The following F7 variants were observed in gnomAD, a reference collection of about 807,000 sequenced individuals.
The protein encoded by F7 is coagulation factor VII, also known as FVII coagulation protein.
F7 carries 38 observed loss-of-function variants against 47.5 expected under a neutral mutation model. The observed-to-expected ratio is 0.80, with a 90% CI of 0.62 to 1.05. The LOEUF (loss-of-function observed/expected upper bound fraction) is 1.05. Ranked by LOEUF, F7 falls within the 50% of genes least tolerant of loss-of-function variation. The pLI, the probability that F7 is intolerant of heterozygous loss-of-function variation, is 0.00. For missense variants in F7, 575 were observed against 605.4 expected (o/e 0.95, Z 0.53); for synonymous variants, 244 against 258.5 (o/e 0.94, Z 0.54).
intron 1 of F7, 133 bp downstream of exon 1, chr13:113,106,038 C>T (rs1332970890): frequency 4.2e-6 from 3 of 709,118 alleles, no homozygotes; most frequent in Non-Finnish European, 6.8e-6. Context: ...CTGGCGGCTC[C>T]TGTTCAATTT....
chr13:113,106,566 TGTGGGGTGTG>T (rs2035961374), intron 1 of F7, among the ~76,000 whole-genome samples: 1 of 88 alleles, frequency 0.011, no homozygotes, highest in Non-Finnish European at 0.018. Flanking sequence ...GGATGGGGCA[TGTGGGGTGTG>T]GGGGATGGGG....
intron 7 of F7, among the ~76,000 whole-genome samples, 182 bp downstream of exon 7, chr13:113,117,778 CTGGG>C (rs1469382958): frequency 6.6e-6 from 1 of 152,146 alleles, no homozygotes; most frequent in East Asian, 1.9e-4. Context: ...GACCGCGGTG[CTGGG>C]TGGGTACCAC....
In F7 at chr13:113,119,091, T is replaced by G; in HGVS notation, c.*83T>G. ...CAAATCCCATATATTCTTCTGCAGT[T>G]AATGGGGTAGAGGAGGGCATGGGAG... On this transcript the variant is annotated 3_prime_UTR_variant, in exon 8 of 8. Transcript: ENST00000346342. 8.0e-7 allele frequency: 1 copy of G among 1,248,948 alleles called. No homozygotes were observed. Among genetic ancestry groups the G allele is most frequent in the Non-Finnish European group, 1.1e-6 (1 of 877,644 alleles). The allele number at this position is 1,248,948 out of a possible 1,614,324, so 77.4% of individuals were successfully genotyped here.
chr13:113,111,272 G>A (rs1009991975), intron 2 of F7, among the ~76,000 whole-genome samples: 1 of 152,182 alleles, frequency 6.6e-6, no homozygotes, highest in African/African-American at 2.4e-5. Flanking sequence ...CTCAGGGCAC[G>A]TGTCGGGGAG....
Position 113,119,988 on chromosome 13 carries a change from T to C in F7, c.*980T>C, listed in dbSNP as rs935997780. 1 of 152,236 alleles carries C rather than the reference T, an allele frequency of 6.6e-6. No homozygotes were observed. The highest frequency in any genetic ancestry group is 2.4e-5 in the African/African-American group (1 of 41,442). The allele number at this position is 152,236 out of a possible 1,614,324, so 9.4% of individuals were successfully genotyped here. A position where few individuals can be genotyped will look rare whatever the true frequency, so the allele number is the denominator to read the frequency against. ...CCCCACCTGCTTCCCAGCTTCACAA[T>C]AAACGGCTGCGTCTCCTCCGCACAC... is the stretch of plus-strand genomic sequence containing the variant. On this transcript the variant is annotated 3_prime_UTR_variant, in exon 8 of 8. Coordinates refer to ENST00000346342, the MANE Select transcript of F7 (RefSeq NM_019616.4).
At position 113,113,068 on chromosome 13, in the gene F7, G is replaced by A. The variant is rs138999282; in HGVS notation, c.226-684G>A. ...TACACTCATCTCACACTCACAGGTC[G>A]CCACACCTCACACTCACAGGATGCC... On this transcript the variant is annotated intron_variant, in intron 2 of 7. Coordinates refer to ENST00000346342, the MANE Select transcript of F7 (RefSeq NM_019616.4). This position sits in a 1 kb window ranked among gnomAD's most constrained non-coding sequence, Gnocchi z 4.1. Among the ~76,000 whole-genome samples, 60 of 149,708 alleles carry A rather than the reference G, an allele frequency of 4.0e-4. No individual in the cohort carries two copies. Among genetic ancestry groups the A allele is most frequent in the Middle Eastern group, 3.7e-3 (1 of 268 alleles).
chr13:113,117,303 C>T (rs969544721), intron 6 of F7, among the ~76,000 whole-genome samples, 170 bp from the exon 7 acceptor site: 15 of 152,272 alleles, frequency 9.9e-5, no homozygotes, highest in Admixed American at 7.8e-4. Flanking sequence ...GGGGCACAGC[C>T]TCCCAGAGCC....
intron 5 of F7, 91 bp from the exon 6 acceptor site, chr13:113,116,675 C>T (rs1452928991): frequency 9.5e-7 from 1 of 1,056,882 alleles, no homozygotes; most frequent in Non-Finnish European, 1.5e-6. Flanking sequence ...GGCCTCAAGG[C>T]CTCTCAGAGG....
In F7 at chr13:113,117,460, TC is replaced by T; in HGVS notation, c.616-7del. 1.2e-6 allele frequency: 2 copies of T among 1,613,354 alleles called. No homozygotes were observed. Among genetic ancestry groups the T allele is most frequent in the Admixed American group, 1.7e-5 (1 of 59,996 alleles). ...AGCAATGTGACTTCCACACCTCCTG[TC>T]CCCCCGCCCAGGTCCTGTTGTTGGT... On this transcript the variant is annotated splice_polypyrimidine_tract_variant and intron_variant, in intron 6 of 7. Coordinates refer to ENST00000346342, the MANE Select transcript of F7 (RefSeq NM_019616.4).
In F7 at chr13:113,110,849, C is replaced by T. The variant is rs751863700; in HGVS notation, c.224C>T (p.Thr75Met). The T allele has an allele frequency of 7.7e-6, 12 of 1,558,540 alleles. No individual in the cohort carries two copies. The highest frequency in any genetic ancestry group is 2.0e-4 in the Middle Eastern group (1 of 4,952). The change falls in exon 2 of 8, where the codon ACG becomes ATG. Residue 75 changes from threonine to methionine, a missense_variant and splice_region_variant. By Grantham distance (81) the Thr-to-Met change is moderately conservative. Transcript: ENST00000346342. The part of the protein sequence containing the change: ...AREIFKDAER[T>M]KLFWISYSDG... ...GAGATCTTCAAGGACGCGGAGAGGA[C>T]GGTGAGCCCAGCCTCGGGGCGCCCC...
chr13:113,114,055 G>A (rs997137999), intron 4 of F7, 95 bp downstream of exon 4: 19 of 1,327,252 alleles, frequency 1.4e-5, no homozygotes, highest in East Asian at 2.4e-5. Context: ...ACAACCTGGT[G>A]GGGTGTGTAG....
chr13:113,113,853 A>G lies in F7; in HGVS notation c.257A>G (p.Asp86Gly). ...ACACCAGCCCACTCCACAGATGGGG[A>G]CCAGTGTGCCTCAAGTCCATGCCAG... ...KLFWISYSDG[D>G]QCASSPCQNG... The change falls in exon 4 of 8, where the codon GAC becomes GGC. Residue 86 changes from aspartate (D) to glycine (G), a missense_variant. Asp to Gly is a moderately conservative substitution (Grantham distance 94, BLOSUM62 -1). Coordinates refer to ENST00000346342, the MANE Select transcript of F7 (RefSeq NM_019616.4). This position sits in a 1 kb window ranked among gnomAD's most constrained non-coding sequence, Gnocchi z 4.1. 1 of 1,614,146 alleles carries G rather than the reference A, an allele frequency of 6.2e-7. No homozygotes were observed. The highest frequency in any genetic ancestry group is 8.5e-7 in the Non-Finnish European group (1 of 1,180,020).
At chr13:113,110,970 C>G in intron 2 of F7, 120 bp downstream of exon 2, 1 of 1,187,720 alleles carries the variant, frequency 8.4e-7, no homozygotes, top group African/African-American at 1.6e-5. Context: ...GCAGCGGCGC[C>G]CGCGCGGCGC....
rs6046 is a variant in F7 at position 113,118,845 on chromosome 13, G to A, written c.1172G>A (p.Arg391Gln). ...GGAGGCCCACATGCCACCCACTACC[G>A]GGGCACGTGGTACCTGACGGGCATC... is the stretch of plus-strand genomic sequence containing the variant. Reference protein sequence around the residue: ...DSGGPHATHYRGTWYLTGIVS... With the variant: ...DSGGPHATHYQGTWYLTGIVS... The change falls in exon 8 of 8, where the codon CGG becomes CAG. Residue 391 changes from arginine to glutamine, a missense_variant. Arg to Gln is a conservative substitution (Grantham distance 43). Transcript: ENST00000346342. The A allele has an allele frequency of 0.12, 187,774 of 1,612,500 alleles. 12,920 individuals are homozygous for A. Among genetic ancestry groups the A allele is most frequent in the South Asian group, 0.28 (25,132 of 91,052 alleles).
intron 1 of F7, chr13:113,110,261 T>C: frequency 5.7e-6 from 1 of 175,186 alleles, no homozygotes; most frequent in Non-Finnish European, 1.2e-5. Flanking sequence ...GCGGTGCGGG[T>C]GGAGACGAGG....
chr13:113,108,416 T>A (rs1488869714), intron 1 of F7, among the ~76,000 whole-genome samples: 1 of 18,106 alleles, frequency 5.5e-5, no homozygotes, highest in Non-Finnish European at 1.0e-4. Flanking sequence ...GTCCCGGGAG[T>A]GTGGGTGTCC....
In F7 at chr13:113,109,318, G is replaced by A. The variant is rs539605408; in HGVS notation, c.65-1372G>A. 1.5e-3 allele frequency among the ~76,000 whole-genome samples: 229 copies of A among 151,860 alleles called. 1 individual carries two copies. The highest frequency in any genetic ancestry group is 6.0e-3 in the Admixed American group (91 of 15,262). On this transcript the variant is annotated intron_variant, in intron 1 of 7. Transcript: ENST00000346342. ...ATGGGCCTCCCCTCCCACTCCTGCC[G>A]CCCAGGGCACCTCCTGTGAGGACTC...
chr13:113,107,034 T>C (rs903422373), intron 1 of F7: 4 of 1,124,302 alleles, frequency 3.6e-6, no homozygotes, highest in African/African-American at 3.1e-5. Flanking sequence ...AAGGAGGGTG[T>C]TCCCTGCTCG....
intron 1 of F7, chr13:113,110,427 C>G: frequency 2.3e-6 from 1 of 439,748 alleles, no homozygotes; most frequent in East Asian, 4.3e-5. Flanking sequence ...CCCCTTCGGC[C>G]CGGCTTCCGC....
Sources: gnomAD v4.1 joint callset for allele counts (sites outside exome capture counted in the v4.1 genomes callset) on GRCh38, gnomAD v4.1.1 for gene constraint, Gnocchi (gnomAD v3.1) non-coding constraint, MANE v1.5 for transcripts, NCBI Gene and HGNC (gene_info 2026-07-23, HGNC 2026-07-21) for gene names.